Variants in TTLL5 observed in about 807,000 individuals in gnomAD.
TTLL5 encodes tubulin polyglutamylase TTLL5.
A neutral mutation model predicts 168.4 loss-of-function variants in TTLL5; 132 were observed. The ratio of observed to expected loss-of-function variants is 0.78; its 90% CI spans 0.68 to 0.91. The LOEUF (loss-of-function observed/expected upper bound fraction) is 0.91. TTLL5 is among the 40% of genes least tolerant of loss of function. The pLI is 0.00. For synonymous variants in TTLL5, 546 were observed against 558.6 expected (o/e 0.98, Z 0.32); for missense variants, 1,545 against 1,581.5 (o/e 0.98, Z 0.39).
chr14:75,732,127 A>G (rs1888589260), intron 12 of TTLL5: 1 of 500,928 alleles, frequency 2.0e-6, no homozygotes, highest in African/African-American at 2.0e-5. Flanking sequence ...AAACAGTGGA[A>G]TTTTATAGCA....
At chr14:75,834,170 C>T (rs1293846378) in intron 28 of TTLL5, among the ~76,000 whole-genome samples, 3 of 152,048 alleles carry the variant, frequency 2.0e-5, no homozygotes, top group African/African-American at 7.2e-5. Context: ...AGAGGAAAAC[C>T]AGGATTGATT....
rs537048046 is a variant in TTLL5 at position 75,926,440 on chromosome 14, G to A, written c.3823+24216G>A. Among the ~76,000 whole-genome samples the A allele has an allele frequency of 6.9e-4, 105 of 152,226 alleles. 1 individual carries two copies. The highest frequency in any genetic ancestry group is 2.5e-3 in the African/African-American group (102 of 41,516). ...TCTTAATTGATGCAGTTTCTTCATA[G>A]CATCAATGGTCTTTACAATTTGGCA... On this transcript the variant is annotated intron_variant, in intron 31 of 31. Transcript: ENST00000298832.
intron 18 of TTLL5, 52 bp from the exon 19 acceptor site, chr14:75,764,563 T>C: frequency 6.2e-7 from 1 of 1,602,132 alleles, no homozygotes; most frequent in Non-Finnish European, 8.5e-7. Context: ...AGCCTTGGAA[T>C]GAAGGAGAGA....
intron 28 of TTLL5, among the ~76,000 whole-genome samples, chr14:75,822,284 T>C (rs1411821179): frequency 6.6e-6 from 1 of 152,224 alleles, no homozygotes; most frequent in Admixed American, 6.5e-5. Context: ...ATCTGAGTTT[T>C]ATTACTGGTT....
chr14:75,868,231 A>G (rs1481595022), intron 29 of TTLL5, among the ~76,000 whole-genome samples: 2 of 152,170 alleles, frequency 1.3e-5, no homozygotes, highest in Non-Finnish European at 2.9e-5. Context: ...AAGAGCCCCA[A>G]AAGCAGAAAA....
At chr14:75,717,732 T>G (rs1887566389) in intron 9 of TTLL5, 129 bp from the exon 10 acceptor site, 1 of 791,176 alleles carries the variant, frequency 1.3e-6, no homozygotes, top group Non-Finnish European at 2.0e-6. Flanking sequence ...AGTTAGCACT[T>G]AGTAGGCACT....
chr14:75,932,949 C>T (rs2034322685), intron 31 of TTLL5, among the ~76,000 whole-genome samples: 1 of 152,164 alleles, frequency 6.6e-6, no homozygotes, highest in South Asian at 2.1e-4. Context: ...GACTCCGTTA[C>T]TTTGACAGAA....
At chr14:75,818,030 G>T (rs1422436767) in intron 27 of TTLL5, among the ~76,000 whole-genome samples, 2 of 151,078 alleles carry the variant, frequency 1.3e-5, no homozygotes, top group African/African-American at 4.9e-5. Context: ...AGTAGAGACG[G>T]GGTTTCACCA....
intron 31 of TTLL5, among the ~76,000 whole-genome samples, chr14:75,916,285 T>C (rs1351719745): frequency 1.3e-5 from 2 of 151,930 alleles, no homozygotes; most frequent in Non-Finnish European, 2.9e-5. Context: ...CGGTGTACTG[T>C]TGGGAATGGA....
chr14:75,891,091 A>G (rs1284396106), intron 30 of TTLL5, among the ~76,000 whole-genome samples: 1 of 152,172 alleles, frequency 6.6e-6, no homozygotes, highest in Admixed American at 6.5e-5. Context: ...CTGACATTCA[A>G]GCCTTCTGCA....
At chr14:75,720,144 C>T (rs576397235) in intron 11 of TTLL5, among the ~76,000 whole-genome samples, 2 of 152,182 alleles carry the variant, frequency 1.3e-5, no homozygotes, top group Non-Finnish European at 2.9e-5. Context: ...CCATATTGGC[C>T]CCAAGTTTCG....
chr14:75,948,452 T>C (rs762134968), intron 31 of TTLL5, among the ~76,000 whole-genome samples: 6 of 151,938 alleles, frequency 3.9e-5, no homozygotes, highest in Admixed American at 1.3e-4. Flanking sequence ...GCCATTGCAC[T>C]GCAGCCTGGG....
chr14:75,949,398 A>AAT (rs896522390), intron 31 of TTLL5, among the ~76,000 whole-genome samples: 3 of 147,320 alleles, frequency 2.0e-5, no homozygotes, highest in African/African-American at 4.9e-5. Flanking sequence ...TAGGATATAG[A>AAT]ATATATATAT....
At chr14:75,875,419 C>T (rs1429376721) in intron 29 of TTLL5, among the ~76,000 whole-genome samples, 5 of 150,468 alleles carry the variant, frequency 3.3e-5, no homozygotes, top group Non-Finnish European at 7.4e-5. Context: ...TGTGGTGGCA[C>T]GTGCCTGTAA....
chr14:75,866,238 C>G (rs1443066787), intron 29 of TTLL5, among the ~76,000 whole-genome samples: 1 of 152,194 alleles, frequency 6.6e-6, no homozygotes, highest in African/African-American at 2.4e-5. Flanking sequence ...TGTGCTAGAT[C>G]TGACCATTAT....
At chr14:75,681,831 G>C (rs886276476) in intron 4 of TTLL5, among the ~76,000 whole-genome samples, 1 of 151,856 alleles carries the variant, frequency 6.6e-6, no homozygotes, top group African/African-American at 2.4e-5. Flanking sequence ...GATGATTTTA[G>C]AAAAAAATTT....
At chr14:75,737,839 GA>G (rs1889004774) in intron 15 of TTLL5, among the ~76,000 whole-genome samples, 1 of 152,172 alleles carries the variant, frequency 6.6e-6, no homozygotes, top group African/African-American at 2.4e-5. Context: ...ATTATACTGA[GA>G]TGGAGACAGT....
intron 31 of TTLL5, among the ~76,000 whole-genome samples, chr14:75,912,736 C>G (rs930031763): frequency 2.9e-4 from 44 of 152,136 alleles, no homozygotes; most frequent in African/African-American, 1.0e-3. Flanking sequence ...ACTTTATATA[C>G]AAGACACCTA....
At chr14:75,825,874 T>C (rs1895097885) in intron 28 of TTLL5, among the ~76,000 whole-genome samples, 1 of 152,152 alleles carries the variant, frequency 6.6e-6, no homozygotes. Flanking sequence ...TCTGCTACTT[T>C]TCTCACTCAG....
Sources: allele counts gnomAD v4.1 joint callset (sites outside exome capture counted in the v4.1 genomes callset), GRCh38; gene constraint gnomAD v4.1.1; transcripts MANE v1.5; gene names NCBI Gene and HGNC (gene_info 2026-07-23, HGNC 2026-07-21).